CTNNA1: variants seen among roughly 807,000 people sequenced by gnomAD.
CTNNA1 encodes catenin alpha-1.
CTNNA1 carries 37 observed loss-of-function variants against 98.4 expected under a neutral mutation model. That is an observed-to-expected ratio of 0.38 (90% confidence interval 0.29 to 0.49). The LOEUF (loss-of-function observed/expected upper bound fraction) is 0.49, where lower values mean the gene tolerates loss of function less well. Among genes scored for constraint, CTNNA1 ranks in the 20% least tolerant of loss-of-function variants. The pLI, the probability that CTNNA1 is intolerant of heterozygous loss-of-function variation, is 0.95. For synonymous variants in CTNNA1, 404 were observed against 413.2 expected (o/e 0.98, Z 0.27); for missense variants, 761 against 1,147.2 (o/e 0.66, Z 4.86).
chr5:138,847,303 C>G (rs1428097719), intron 7 of CTNNA1, among the ~76,000 whole-genome samples: 1 of 152,084 alleles, frequency 6.6e-6, no homozygotes, highest in Non-Finnish European at 1.5e-5. Context: ...GGCGTAGTCC[C>G]TCCCTCCCTG....
At position 138,916,177 on chromosome 5, in the gene CTNNA1, C is replaced by CAAAAAA. The variant is rs56935188; in HGVS notation, c.1390-1556_1390-1551dup. Among the ~76,000 whole-genome samples the CAAAAAA allele has an allele frequency of 3.0e-3, 343 of 114,978 alleles. 8 individuals are homozygous for CAAAAAA. Among genetic ancestry groups the CAAAAAA allele is most frequent in the South Asian group, 4.8e-3 (17 of 3,560 alleles). The allele number at this position is 114,978 out of a possible 152,430, so 75.4% of individuals were successfully genotyped here. ...GAGATAGAAAGCAAATTAGTGGTTG[C>CAAAAAA]AAAAAAAAAAAAAAGAAGGGGCTAA... is the stretch of plus-strand genomic sequence containing the variant. On this transcript the variant is annotated intron_variant, in intron 10 of 17. Coordinates refer to ENST00000302763, the MANE Select transcript of CTNNA1 (RefSeq NM_001903.5).
At chr5:138,776,513 A>G (rs1051144725) in intron 1 of CTNNA1, among the ~76,000 whole-genome samples, 3 of 152,114 alleles carry the variant, frequency 2.0e-5, no homozygotes, top group Non-Finnish European at 2.9e-5. Flanking sequence ...TTTCTATTCC[A>G]CAAAACCGCC....
At chr5:138,825,482 G>GTTTTTTGTTTTTTT (rs1554085136) in intron 6 of CTNNA1, among the ~76,000 whole-genome samples, 1 of 74,114 alleles carries the variant, frequency 1.3e-5, no homozygotes, top group Non-Finnish European at 2.4e-5. Context: ...AGCAGTATAA[G>GTTTTTTGTTTTTTT]TTTTTTTTTT....
chr5:138,800,208 C>T (rs1050213967), intron 3 of CTNNA1, among the ~76,000 whole-genome samples: 2 of 152,164 alleles, frequency 1.3e-5, no homozygotes, highest in East Asian at 3.8e-4. Context: ...AAAACCCCTG[C>T]ACTTTTTATG....
chr5:138,831,006 T>A (rs1761228969), intron 7 of CTNNA1, among the ~76,000 whole-genome samples: 2 of 152,246 alleles, frequency 1.3e-5, no homozygotes. Flanking sequence ...ACAAATTATG[T>A]TATGTGGAGA....
At chr5:138,821,975 C>A (rs1012787908) in intron 5 of CTNNA1, among the ~76,000 whole-genome samples, 1 of 152,052 alleles carries the variant, frequency 6.6e-6, no homozygotes, top group Non-Finnish European at 1.5e-5. Flanking sequence ...GTAACAAAAT[C>A]TAATTTCTTT....
At chr5:138,844,287 C>G (rs1435748881) in intron 7 of CTNNA1, among the ~76,000 whole-genome samples, 1 of 152,132 alleles carries the variant, frequency 6.6e-6, no homozygotes, top group African/African-American at 2.4e-5. Context: ...CAAGCCACCG[C>G]ACCTGGCCCC....
At chr5:138,789,396 G>A (rs993044945) in intron 3 of CTNNA1, among the ~76,000 whole-genome samples, 1 of 152,176 alleles carries the variant, frequency 6.6e-6, no homozygotes, top group African/African-American at 2.4e-5. Context: ...ATGAGAAACA[G>A]TGAGGTCCCT....
rs1184661555 is a variant in CTNNA1, at chr5:138,783,119, A to G, written c.106-58A>G. On this transcript the variant is annotated intron_variant, in intron 2 of 17. Transcript: ENST00000302763. Reference sequence around the variant, plus strand: ...AATAACTTAATCTTGCTGTCTTTAAAGATATTAGTTTGTCATTTTAATTGA... The same window carrying G: ...AATAACTTAATCTTGCTGTCTTTAAGGATATTAGTTTGTCATTTTAATTGA... 5 of 1,332,362 alleles carry G rather than the reference A, an allele frequency of 3.8e-6. No homozygotes were observed. In the Admixed American group the frequency reaches 1.2e-4, roughly 31 times the overall value. The allele number at this position is 1,332,362 out of a possible 1,614,324, so 82.5% of individuals were successfully genotyped here. A position where few individuals can be genotyped will look rare whatever the true frequency, so the allele number is the denominator to read the frequency against.
At chr5:138,875,403 T>C in intron 7 of CTNNA1, 2 of 985,892 alleles carry the variant, frequency 2.0e-6, no homozygotes, top group Non-Finnish European at 2.4e-6. Flanking sequence ...GACGTGTCTT[T>C]TGTTTGGGTT....
At chr5:138,815,963 A>ACTTCATTATT in intron 5 of CTNNA1, among the ~76,000 whole-genome samples, 1 of 152,170 alleles carries the variant, frequency 6.6e-6, no homozygotes, top group African/African-American at 2.4e-5. Flanking sequence ...CCTGATGGAA[A>ACTTCATTATT]CTTCATTATT....
intron 1 of CTNNA1, among the ~76,000 whole-genome samples, chr5:138,779,553 A>G (rs916575472): frequency 1.3e-5 from 2 of 151,886 alleles, no homozygotes; most frequent in Non-Finnish European, 2.9e-5. Context: ...AAATAAGTAG[A>G]AATGGGATCT....
At chr5:138,886,884 A>C (rs968975293) in intron 8 of CTNNA1, among the ~76,000 whole-genome samples, 3 of 152,160 alleles carry the variant, frequency 2.0e-5, no homozygotes, top group Non-Finnish European at 2.9e-5. Flanking sequence ...ATGTATTAAG[A>C]CTTAAGAAGT....
chr5:138,917,463 GA>G (rs1250074321), intron 10 of CTNNA1, among the ~76,000 whole-genome samples: 1 of 152,150 alleles, frequency 6.6e-6, no homozygotes, highest in Admixed American at 6.5e-5. Flanking sequence ...TATATGAGGA[GA>G]AAAAAGTCTA....
chr5:138,925,265 G>A lies in CTNNA1; in HGVS notation c.1757G>A (p.Arg586His), dbSNP rs1325651636. The change falls in exon 13 of 18, where the codon CGT (arginine) becomes CAT (histidine). Residue 586 changes from arginine (R) to histidine (H), a missense_variant. Physicochemically the swap from Arg to His is conservative, Grantham distance 29. This residue lies in a region of CTNNA1 where 287 missense variants were observed against 436.0 expected (regional missense o/e 0.66). Transcript: ENST00000302763. ...TKLLSNTVMPRFTEQVEAAVE... is the reference protein window; with the variant it reads ...TKLLSNTVMPHFTEQVEAAVE... ...GCCTCTTTCTCCACAGTCATGCCAC[G>A]TTTTACTGAGCAAGTAGAAGCAGCC... 4.3e-6 allele frequency: 7 copies of A among 1,613,820 alleles called. No homozygotes were observed. The highest frequency in any genetic ancestry group is 1.1e-5 in the South Asian group (1 of 91,062).
intron 11 of CTNNA1, among the ~76,000 whole-genome samples, chr5:138,921,286 G>A (rs779123204): frequency 6.6e-5 from 10 of 152,184 alleles, no homozygotes; most frequent in Non-Finnish European, 1.3e-4. Flanking sequence ...ACATGTTGCA[G>A]TTTTGGCTCC....
intron 3 of CTNNA1, among the ~76,000 whole-genome samples, chr5:138,808,785 G>A (rs1280685708): frequency 6.6e-6 from 1 of 151,800 alleles, no homozygotes; most frequent in Non-Finnish European, 1.5e-5. Context: ...CCAAAGGAGG[G>A]AGTAATTGCT....
intron 7 of CTNNA1, among the ~76,000 whole-genome samples, chr5:138,842,029 T>C (rs1300859882): frequency 6.6e-6 from 1 of 152,226 alleles, no homozygotes; most frequent in Non-Finnish European, 1.5e-5. Flanking sequence ...GCCCTTGCTC[T>C]TGTGTCTGTA....
At chr5:138,794,773 C>T (rs1446460234) in intron 3 of CTNNA1, among the ~76,000 whole-genome samples, 3 of 152,158 alleles carry the variant, frequency 2.0e-5, no homozygotes, top group African/African-American at 7.2e-5. Flanking sequence ...CATATATTAA[C>T]TTTGGATTAT....
Sources: gnomAD v4.1 joint callset for allele counts (sites outside exome capture counted in the v4.1 genomes callset) on GRCh38, gnomAD v4.1.1 for gene constraint, gnomAD v4.1.1 regional missense constraint, MANE v1.5 for transcripts, NCBI Gene and HGNC (gene_info 2026-07-23, HGNC 2026-07-21) for gene names.